Variants in CUX1 observed in about 807,000 individuals in gnomAD.
CUX1 encodes protein CASP.
Under a neutral mutation model 158.8 loss-of-function variants are expected in CUX1, and 31 were observed. That is an observed-to-expected ratio of 0.20 (90% CI 0.15 to 0.26). The LOEUF (loss-of-function observed/expected upper bound fraction) is 0.26. Ranked by LOEUF, CUX1 falls within the 10% of genes least tolerant of loss-of-function variation. The probability of loss-of-function intolerance (pLI) is 1.00; values close to 1 mark genes in which losing one functional copy is unlikely to be tolerated. For synonymous variants in CUX1, 879 were observed against 862.1 expected (o/e 1.02, Z -0.34); for missense variants, 1,589 against 2,014.6 (o/e 0.79, Z 4.04).
intron 3 of CUX1, among the ~76,000 whole-genome samples, chr7:102,063,363 C>T (rs1427032725): frequency 6.9e-6 from 1 of 144,502 alleles, no homozygotes; most frequent in African/African-American, 2.6e-5. Context: ...GAACTCTTTA[C>T]ATATTAAGTA....
intron 4 of CUX1, among the ~76,000 whole-genome samples, chr7:102,088,748 A>AT (rs1340171865): frequency 6.6e-6 from 1 of 152,128 alleles, no homozygotes; most frequent in Non-Finnish European, 1.5e-5. Context: ...ATTCATATAT[A>AT]TTTTTTTAAC....
chr7:102,176,722 C>T (rs1489152203), intron 10 of CUX1, among the ~76,000 whole-genome samples: 2 of 151,868 alleles, frequency 1.3e-5, no homozygotes, highest in Non-Finnish European at 2.9e-5. Context: ...TAGGCATGCA[C>T]CACAATGCCT....
chr7:102,229,735 AG>A (rs1478366552), intron 21 of CUX1, among the ~76,000 whole-genome samples: 1 of 148,820 alleles, frequency 6.7e-6, no homozygotes, highest in African/African-American at 2.5e-5. Context: ...CTCCTGCCTC[AG>A]CCTCCCAAGT....
In CUX1 at chr7:102,099,456, C is replaced by T. The variant is rs181540541; in HGVS notation, c.406+1955C>T. On this transcript the variant is annotated intron_variant, in intron 5 of 23. Coordinates refer to ENST00000292535, the MANE Select transcript of CUX1 (RefSeq NM_181552.4). The stretch of plus-strand genomic sequence containing the variant: ...CATTGAGTTTTCATAGATACGCTAC[C>T]CTAAAGGGGAGTATCCTGGTTTTTT... Among the ~76,000 whole-genome samples, 399 of 148,382 alleles carry T rather than the reference C, an allele frequency of 2.7e-3. 4 individuals are homozygous for T. The highest frequency in any genetic ancestry group is 4.4e-3 in the Non-Finnish European group (296 of 67,458).
chr7:102,032,848 G>T (rs949927663), intron 3 of CUX1, among the ~76,000 whole-genome samples: 6 of 152,128 alleles, frequency 3.9e-5, no homozygotes, highest in African/African-American at 1.2e-4. Flanking sequence ...TGTGGGGGAG[G>T]TGTACCCTTA....
chr7:101,897,002 T>C (rs527603410), intron 1 of CUX1, among the ~76,000 whole-genome samples: 3 of 152,240 alleles, frequency 2.0e-5, no homozygotes, highest in Non-Finnish European at 4.4e-5. Flanking sequence ...GCCTATCTGA[T>C]GTGCAGAAAA....
rs1406585553 is a variant in CUX1, at chr7:102,253,932, ACCT to A, written c.*4892_*4894del. 18 of 985,212 alleles carry A rather than the reference ACCT, an allele frequency of 1.8e-5. No individual in the cohort carries two copies. The Admixed American group carries it at 1.1e-3, about 61-fold the overall frequency. 61.0% of individuals were successfully genotyped at this position (985,212 alleles called of 1,614,324 possible). ...CTTCACACTCCTCATTGTCCCTTCTACCTCACTAACCTGTCTTCTCCATCTGAT... is the reference window on the plus strand; with the variant it reads ...CTTCACACTCCTCATTGTCCCTTCTACACTAACCTGTCTTCTCCATCTGAT... On this transcript the variant is annotated 3_prime_UTR_variant, in exon 24 of 24. Coordinates refer to ENST00000292535, the MANE Select transcript of CUX1 (RefSeq NM_181552.4).
At chr7:101,994,744 G>C (rs1815610793) in intron 2 of CUX1, among the ~76,000 whole-genome samples, 1 of 151,972 alleles carries the variant, frequency 6.6e-6, no homozygotes, top group African/African-American at 2.4e-5. Flanking sequence ...AGAAGGTCTT[G>C]GTTTAATTTC....
chr7:102,205,345 A>G (rs1390233764), intron 20 of CUX1, among the ~76,000 whole-genome samples, 175 bp downstream of exon 20: 1 of 152,168 alleles, frequency 6.6e-6, no homozygotes, highest in Non-Finnish European at 1.5e-5. Context: ...TTTCTAATGG[A>G]GAGCGAGCTG....
At chr7:102,247,217 AAAAAAAAAG>A (rs1241870332) in intron 23 of CUX1, among the ~76,000 whole-genome samples, 4 of 150,000 alleles carry the variant, frequency 2.7e-5, no homozygotes, top group African/African-American at 1.0e-4. Flanking sequence ...GAAAGGAAAA[AAAAAAAAAG>A]AAAGAAAAAA....
intron 4 of CUX1, among the ~76,000 whole-genome samples, chr7:102,092,400 C>T (rs782152303): frequency 1.3e-5 from 2 of 152,196 alleles, no homozygotes; most frequent in Non-Finnish European, 2.9e-5. Context: ...TTCATCCCCA[C>T]TCACTTCTTC....
chr7:101,890,689 T>C (rs1430451631), intron 1 of CUX1, among the ~76,000 whole-genome samples: 1 of 152,160 alleles, frequency 6.6e-6, no homozygotes, highest in East Asian at 1.9e-4. Flanking sequence ...TGCGTATTTC[T>C]ACTCACTGCT....
chr7:102,167,419 AGGCTCCC>A (rs1791173086), intron 9 of CUX1, among the ~76,000 whole-genome samples: 1 of 152,208 alleles, frequency 6.6e-6, no homozygotes, highest in Admixed American at 6.5e-5. Flanking sequence ...GAGACCATGT[AGGCTCCC>A]GGGGACACCT....
chr7:101,951,976 C>T (rs1414485832), intron 2 of CUX1, among the ~76,000 whole-genome samples: 1 of 152,214 alleles, frequency 6.6e-6, no homozygotes, highest in African/African-American at 2.4e-5. Flanking sequence ...TGGCTGTATG[C>T]CGATAAAACT....
intron 8 of CUX1, among the ~76,000 whole-genome samples, chr7:102,123,136 T>C (rs1191145156): frequency 1.3e-5 from 2 of 150,162 alleles, no homozygotes; most frequent in African/African-American, 2.5e-5. Context: ...GAGGCTAAGG[T>C]AGGATAATTG....
intron 5 of CUX1, among the ~76,000 whole-genome samples, chr7:102,102,423 CAAAAAAAAAAAAAAA>C (rs67525163): frequency 2.7e-5 from 2 of 75,028 alleles, no homozygotes; most frequent in Non-Finnish European, 4.6e-5. Flanking sequence ...GACTCCGCCT[CAAAAAAAAAAAAAAA>C]AAAAAAAAGC....
At chr7:102,052,692 T>C (rs1410222216) in intron 3 of CUX1, among the ~76,000 whole-genome samples, 3 of 152,216 alleles carry the variant, frequency 2.0e-5, no homozygotes, top group Admixed American at 2.0e-4. Flanking sequence ...TAACTCTATT[T>C]TTAACATTTT....
intron 3 of CUX1, among the ~76,000 whole-genome samples, chr7:102,054,388 G>A (rs534731620): frequency 2.4e-4 from 37 of 152,244 alleles, no homozygotes; most frequent in Middle Eastern, 6.8e-3. Flanking sequence ...ATATCTGGTC[G>A]TCCCAGCAAC....
chr7:101,854,299 G>A (rs765167200), intron 1 of CUX1, among the ~76,000 whole-genome samples: 3 of 152,166 alleles, frequency 2.0e-5, no homozygotes, highest in Non-Finnish European at 4.4e-5. Context: ...GCTGCCAGCG[G>A]GTAACATATG....
Sources: allele counts gnomAD v4.1 joint callset (sites outside exome capture counted in the v4.1 genomes callset), GRCh38; gene constraint gnomAD v4.1.1; transcripts MANE v1.5; gene names NCBI Gene and HGNC (gene_info 2026-07-23, HGNC 2026-07-21).